ZNF407: variants seen among roughly 807,000 people sequenced by gnomAD.
ZNF407 encodes the protein zinc finger protein 407.
ZNF407 carries 17 observed loss-of-function variants against 131.2 expected under a neutral mutation model. The observed-to-expected ratio is 0.13, with a 90% CI of 0.09 to 0.19. ZNF407 has a LOEUF of 0.19. ZNF407 is among the 10% of genes least tolerant of loss of function. The pLI, the probability that ZNF407 is intolerant of heterozygous loss-of-function variation, is 1.00. For synonymous variants in ZNF407, 1,156 were observed against 1,062.0 expected, an observed-to-expected ratio of 1.09 and a Z score of -1.72; for missense variants, 2,681 against 2,830.6, an observed-to-expected ratio of 0.95 and a Z score of 1.20.
chr18:74,703,340 T>C lies in ZNF407; in HGVS notation c.4802+62218T>C, dbSNP rs545212328. Among the ~76,000 whole-genome samples the C allele has an allele frequency of 7.2e-5, 11 of 151,770 alleles. No homozygotes were observed. Among genetic ancestry groups the C allele is most frequent in the South Asian group, 2.1e-4 (1 of 4,774 alleles). ...AGAGTTTTAGATCTCTCTCTCTCTC[T>C]CCCCATGTGTGTCTCTGTCTCTGTC... is the stretch of plus-strand genomic sequence containing the variant. On this transcript the variant is annotated intron_variant, in intron 3 of 8. Transcript: ENST00000299687. This position sits in a 1 kb window ranked among gnomAD's most constrained non-coding sequence, Gnocchi z 4.1.
At chr18:74,680,684 T>A (rs2144776468) in intron 3 of ZNF407, among the ~76,000 whole-genome samples, 1 of 152,214 alleles carries the variant, frequency 6.6e-6, no homozygotes, top group Admixed American at 6.5e-5. Context: ...GTAGATGTAG[T>A]ATTTTTCTTA....
chr18:74,763,593 G>GAGTTTCTACTACA (rs1177605416), intron 3 of ZNF407, among the ~76,000 whole-genome samples: 2 of 151,476 alleles, frequency 1.3e-5, no homozygotes, highest in African/African-American at 4.8e-5. Flanking sequence ...TCATATGAAT[G>GAGTTTCTACTACA]AGTTTCTACT....
intron 4 of ZNF407, among the ~76,000 whole-genome samples, chr18:74,788,466 G>T (rs17055568): frequency 1.3e-5 from 2 of 151,818 alleles, no homozygotes; most frequent in Admixed American, 1.3e-4. Context: ...TTAAAAACAC[G>T]CTTGCTTCTA....
At chr18:74,611,425 G>A (rs1983054959) in intron 1 of ZNF407, among the ~76,000 whole-genome samples, 1 of 152,214 alleles carries the variant, frequency 6.6e-6, no homozygotes, top group Non-Finnish European at 1.5e-5. Flanking sequence ...CTACAAATCA[G>A]TAAGAACAAC....
chr18:74,831,738 C>A lies in ZNF407; in HGVS notation c.4878-45459C>A, dbSNP rs546817234. Among the ~76,000 whole-genome samples, 53 of 152,282 alleles carry A rather than the reference C, an allele frequency of 3.5e-4. 3 individuals carry two copies. Among genetic ancestry groups the A allele is most frequent in the African/African-American group, 1.3e-3 (52 of 41,546 alleles). ...CTCCCCATCCGTCGATGCCACGTGTCCCCCTCACCCCTGCCCTGCTGTGCA... is the reference window on the plus strand; with the variant it reads ...CTCCCCATCCGTCGATGCCACGTGTACCCCTCACCCCTGCCCTGCTGTGCA... On this transcript the variant is annotated intron_variant, in intron 4 of 8. Coordinates refer to ENST00000299687, the MANE Select transcript of ZNF407 (RefSeq NM_017757.3).
intron 8 of ZNF407, among the ~76,000 whole-genome samples, chr18:75,052,181 T>C (rs752518311): frequency 6.6e-5 from 10 of 152,222 alleles, no homozygotes; most frequent in Non-Finnish European, 1.5e-4. Flanking sequence ...TGTATGTATA[T>C]ATTTCAAGAA....
At chr18:74,613,629 A>G (rs1983159022) in intron 1 of ZNF407, among the ~76,000 whole-genome samples, 1 of 152,222 alleles carries the variant, frequency 6.6e-6, no homozygotes, top group African/African-American at 2.4e-5. Flanking sequence ...CCTTATGGGG[A>G]AATACAGAAC....
intron 7 of ZNF407, among the ~76,000 whole-genome samples, chr18:74,904,101 A>G (rs2145212158): frequency 6.6e-6 from 1 of 152,254 alleles, no homozygotes; most frequent in South Asian, 2.1e-4. Context: ...GATTATTTCT[A>G]TTTCATTGAA....
In ZNF407 at chr18:74,803,852, A is replaced by C; in HGVS notation, c.4877+22350A>C. The C allele has an allele frequency of 9.1e-6, 10 of 1,103,414 alleles. No individual in the cohort carries two copies. The South Asian group carries it at 1.6e-4, about 17-fold the overall frequency. 68.4% of individuals were successfully genotyped at this position (1,103,414 alleles called of 1,614,324 possible). ...TATCAATATTAATACTTTCTGGAGC[A>C]TGGTTTCAAAAAGGTCAGGAATGAC... On this transcript the variant is annotated intron_variant, in intron 4 of 8. Coordinates refer to ENST00000299687, the MANE Select transcript of ZNF407 (RefSeq NM_017757.3).
At chr18:74,921,958 C>G (rs1971852341) in intron 8 of ZNF407, among the ~76,000 whole-genome samples, 1 of 152,182 alleles carries the variant, frequency 6.6e-6, no homozygotes. Flanking sequence ...GATAGAGGCT[C>G]ATTACTGTTC....
At chr18:74,899,045 G>T (rs1971489131) in intron 7 of ZNF407, among the ~76,000 whole-genome samples, 1 of 152,164 alleles carries the variant, frequency 6.6e-6, no homozygotes, top group African/African-American at 2.4e-5. Flanking sequence ...CTGGATTGTA[G>T]GTCACATGAG....
In ZNF407 at chr18:74,635,015, A is replaced by G. The variant is rs749411255; in HGVS notation, c.3996A>G (p.Glu1332=). 7.4e-6 allele frequency: 12 copies of G among 1,614,000 alleles called. No homozygotes were observed. In the South Asian group the frequency reaches 1.3e-4, roughly 18 times the overall value. ...GCCCAGCTTCTGATAGCACAGTTGAAAGTAGTGATGTCTATGAAACTATAA... is the reference window on the plus strand; with the variant it reads ...GCCCAGCTTCTGATAGCACAGTTGAGAGTAGTGATGTCTATGAAACTATAA... The part of the protein sequence containing the change: ...EDGPASDSTV[E]SSDVYETIIS... Residue 1332 remains glutamate (E), a synonymous_variant, in exon 2 of 9, where the codon GAA becomes GAG. Coordinates refer to ENST00000299687, the MANE Select transcript of ZNF407 (RefSeq NM_017757.3). This position sits in a 1 kb window ranked among gnomAD's most constrained non-coding sequence, Gnocchi z 4.7.
chr18:74,628,423 T>C (rs896402175), intron 1 of ZNF407, among the ~76,000 whole-genome samples: 11 of 152,148 alleles, frequency 7.2e-5, no homozygotes, highest in African/African-American at 2.7e-4. Context: ...CCCGCAGCCC[T>C]GAGAAACCAA....
chr18:74,933,108 C>G (rs1343485977), intron 8 of ZNF407, among the ~76,000 whole-genome samples: 1 of 152,084 alleles, frequency 6.6e-6, no homozygotes, highest in Non-Finnish European at 1.5e-5. Context: ...TTCATAGCAG[C>G]ACTATTAATA....
At chr18:74,932,416 A>C (rs891519012) in intron 8 of ZNF407, among the ~76,000 whole-genome samples, 1 of 152,150 alleles carries the variant, frequency 6.6e-6, no homozygotes, top group African/African-American at 2.4e-5. Context: ...ATGGGTTTGA[A>C]ATTTTATCCT....
At chr18:74,776,250 A>G (rs1969469309) in intron 3 of ZNF407, among the ~76,000 whole-genome samples, 1 of 152,170 alleles carries the variant, frequency 6.6e-6, no homozygotes, top group African/African-American at 2.4e-5. Flanking sequence ...TTCATTACAC[A>G]CTGAATCTCC....
At chr18:74,681,244 T>A (rs943330138) in intron 3 of ZNF407, among the ~76,000 whole-genome samples, 3 of 152,062 alleles carry the variant, frequency 2.0e-5, no homozygotes, top group Admixed American at 1.3e-4. Flanking sequence ...TTTTTTTTTT[T>A]ATTTTAAATG....
chr18:74,839,421 T>G (rs993972243), intron 4 of ZNF407, among the ~76,000 whole-genome samples: 5 of 152,240 alleles, frequency 3.3e-5, no homozygotes, highest in African/African-American at 1.2e-4. Flanking sequence ...TGGACAGAAC[T>G]GATGTTGCAG....
chr18:74,842,892 T>A (rs1486537071), intron 4 of ZNF407, among the ~76,000 whole-genome samples: 1 of 152,106 alleles, frequency 6.6e-6, no homozygotes, highest in Non-Finnish European at 1.5e-5. Context: ...AATTTTTGTA[T>A]TTTTAGTAGA....
Sources: gnomAD v4.1 joint callset for allele counts (sites outside exome capture counted in the v4.1 genomes callset) on GRCh38, gnomAD v4.1.1 for gene constraint, Gnocchi (gnomAD v3.1) non-coding constraint, MANE v1.5 for transcripts, NCBI Gene and HGNC (gene_info 2026-07-23, HGNC 2026-07-21) for gene names.